Variants in SGCZ observed in about 807,000 individuals in gnomAD.
SGCZ encodes the protein sarcoglycan zeta.
In SGCZ, 40 loss-of-function variants were observed where a neutral mutation model predicts 41.3. The observed-to-expected ratio is 0.97, with a 90% CI of 0.75 to 1.26. The LOEUF (loss-of-function observed/expected upper bound fraction) is 1.26, where lower values mean the gene tolerates loss of function less well. Ranked by LOEUF, SGCZ falls within the 50% of genes most tolerant of loss-of-function variation. The pLI, the probability that SGCZ is intolerant of heterozygous loss-of-function variation, is 0.00. For missense variants in SGCZ, 552 were observed against 369.8 expected, an observed-to-expected ratio of 1.49 and a Z score of -4.04; for synonymous variants, 206 against 137.5, an observed-to-expected ratio of 1.50 and a Z score of -3.49.
intron 4 of SGCZ, among the ~76,000 whole-genome samples, chr8:14,176,433 T>C (rs891297440): frequency 6.6e-6 from 1 of 152,200 alleles, no homozygotes; most frequent in Non-Finnish European, 1.5e-5. Context: ...TAACTGTAAT[T>C]AGTAAGTGTT....
At chr8:14,960,680 T>G (rs1430364312) in intron 1 of SGCZ, among the ~76,000 whole-genome samples, 1 of 151,944 alleles carries the variant, frequency 6.6e-6, no homozygotes, top group Non-Finnish European at 1.5e-5. Flanking sequence ...GTCACAAATA[T>G]GAAATACTCA....
chr8:14,100,899 G>T (rs942435757), intron 7 of SGCZ, among the ~76,000 whole-genome samples: 1 of 151,520 alleles, frequency 6.6e-6, no homozygotes, highest in Non-Finnish European at 1.5e-5. Context: ...TTTGACCTTT[G>T]TGGGCTCATA....
chr8:14,386,315 AAC>A (rs1554510151), intron 2 of SGCZ, among the ~76,000 whole-genome samples: 2 of 152,090 alleles, frequency 1.3e-5, no homozygotes, highest in Non-Finnish European at 2.9e-5. Context: ...AAAAAAAAAA[AAC>A]ATTCTTAGTA....
intron 2 of SGCZ, among the ~76,000 whole-genome samples, chr8:14,341,669 G>C (rs927449059): frequency 2.6e-5 from 4 of 152,086 alleles, no homozygotes; most frequent in African/African-American, 7.2e-5. Flanking sequence ...TGTTATAGGA[G>C]GGACCCAAGA....
At chr8:15,039,372 CAGAG>C (rs961292887) in intron 1 of SGCZ, among the ~76,000 whole-genome samples, 4 of 152,124 alleles carry the variant, frequency 2.6e-5, no homozygotes, top group African/African-American at 9.7e-5. Flanking sequence ...CAGCCAGGCA[CAGAG>C]AGACAAATAC....
At chr8:15,116,604 G>A (rs1198910960) in intron 1 of SGCZ, among the ~76,000 whole-genome samples, 1 of 152,174 alleles carries the variant, frequency 6.6e-6, no homozygotes, top group African/African-American at 2.4e-5. Flanking sequence ...AAGGCTGACA[G>A]AAAGGGCAAA....
chr8:14,922,799 A>C (rs2130793680), intron 1 of SGCZ, among the ~76,000 whole-genome samples: 1 of 152,342 alleles, frequency 6.6e-6, no homozygotes, highest in Non-Finnish European at 1.5e-5. Context: ...AGAGATGGAG[A>C]CCAAAACAAA....
intron 2 of SGCZ, among the ~76,000 whole-genome samples, chr8:14,336,536 A>C (rs1165825114): frequency 2.0e-5 from 3 of 152,168 alleles, no homozygotes; most frequent in African/African-American, 7.2e-5. Flanking sequence ...CAATGACTGA[A>C]ATAATTTACA....
chr8:14,530,362 A>G (rs1026294699), intron 2 of SGCZ, among the ~76,000 whole-genome samples: 1 of 152,142 alleles, frequency 6.6e-6, no homozygotes, highest in Non-Finnish European at 1.5e-5. Context: ...TAACACTATT[A>G]TTTATAATTT....
At chr8:14,513,572 T>G (rs1049489124) in intron 2 of SGCZ, among the ~76,000 whole-genome samples, 1 of 101,052 alleles carries the variant, frequency 9.9e-6, no homozygotes, top group African/African-American at 4.3e-5. Context: ...TCTATAGCCC[T>G]TTCAGTCTAT....
intron 1 of SGCZ, among the ~76,000 whole-genome samples, chr8:15,187,688 T>G (rs958082124): frequency 2.0e-5 from 3 of 152,012 alleles, no homozygotes. Context: ...CCATAACTTA[T>G]TAACTTAAAA....
intron 1 of SGCZ, among the ~76,000 whole-genome samples, chr8:14,793,729 C>T (rs915385865): frequency 8.5e-5 from 13 of 152,100 alleles, no homozygotes; most frequent in African/African-American, 3.1e-4. Flanking sequence ...GAGACACCTG[C>T]ACCCACCTGC....
intron 1 of SGCZ, among the ~76,000 whole-genome samples, chr8:14,747,357 C>G (rs1799364982): frequency 6.6e-6 from 1 of 152,118 alleles, no homozygotes; most frequent in East Asian, 1.9e-4. Flanking sequence ...ATTTAAAAAT[C>G]TGGAGTTACT....
At chr8:15,171,393 T>C (rs1280305834) in intron 1 of SGCZ, among the ~76,000 whole-genome samples, 2 of 152,150 alleles carry the variant, frequency 1.3e-5, no homozygotes, top group Non-Finnish European at 2.9e-5. Context: ...CCATATAAAG[T>C]GTTTTATTGC....
chr8:14,997,692 G>T (rs752717568), intron 1 of SGCZ, among the ~76,000 whole-genome samples: 2 of 152,168 alleles, frequency 1.3e-5, no homozygotes, highest in Non-Finnish European at 2.9e-5. Flanking sequence ...GGGTGCAGTG[G>T]CTCACACCCA....
chr8:14,660,767 TAAA>T (rs1807722296), intron 1 of SGCZ, among the ~76,000 whole-genome samples: 1 of 151,858 alleles, frequency 6.6e-6, no homozygotes, highest in South Asian at 2.1e-4. Context: ...ATTCTCAAAA[TAAA>T]GAAGAAACTG....
chr8:15,003,968 G>C (rs1802513509), intron 1 of SGCZ, among the ~76,000 whole-genome samples: 1 of 152,080 alleles, frequency 6.6e-6, no homozygotes, highest in South Asian at 2.1e-4. Context: ...TGTTAGAGTA[G>C]GAAAACAGGT....
chr8:14,841,993 T>C (rs1369715640), intron 1 of SGCZ, among the ~76,000 whole-genome samples: 1 of 152,186 alleles, frequency 6.6e-6, no homozygotes, highest in Non-Finnish European at 1.5e-5. Flanking sequence ...TGGGTATAAG[T>C]ATGTGTGGAC....
intron 1 of SGCZ, among the ~76,000 whole-genome samples, chr8:14,647,706 A>G (rs1298061539): frequency 1.3e-5 from 2 of 152,036 alleles, no homozygotes; most frequent in East Asian, 3.9e-4. Context: ...ATATATATGT[A>G]GGTATACTAA....
Sources: gnomAD v4.1 joint callset for allele counts (sites outside exome capture counted in the v4.1 genomes callset) on GRCh38, gnomAD v4.1.1 for gene constraint, MANE v1.5 for transcripts, NCBI Gene and HGNC (gene_info 2026-07-23, HGNC 2026-07-21) for gene names.